The following CHCT1 variants were observed in gnomAD, a reference collection of about 807,000 sequenced individuals.
CHCT1 encodes the protein CHD1 helical C-terminal domain containing protein 1.
At chr17:60,421,432 C>T in the CHCT1 span, 5 of 985,578 alleles carry the variant, frequency 5.1e-6, no homozygotes, top group Non-Finnish European at 6.0e-6. Flanking sequence ...AGGGGAGGCC[C>T]GGGCCGACGG....
the CHCT1 span, chr17:60,429,483 TGTCCAACATGCAGACCCCAG>T: frequency 6.2e-7 from 1 of 1,614,264 alleles, no homozygotes; most frequent in Non-Finnish European, 8.5e-7. Context: ...AAGGAGCGGC[TGTCCAACATGCAGACCCCAG>T]GTCAAGGGAG....
chr17:60,425,938 G>C, the CHCT1 span: 1 of 1,452,310 alleles, frequency 6.9e-7, no homozygotes, highest in Non-Finnish European at 9.5e-7. Flanking sequence ...TGGTCAGGAG[G>C]CCTGAGTCAG....
chr17:60,426,337 G>T, the CHCT1 span: 1 of 1,549,966 alleles, frequency 6.5e-7, no homozygotes, highest in Middle Eastern at 1.7e-4. Context: ...ACTGGAGAAA[G>T]TAGGGCAGTC....
At chr17:60,425,724 C>T in the CHCT1 span, 4 of 1,316,088 alleles carry the variant, frequency 3.0e-6, no homozygotes, top group Non-Finnish European at 4.3e-6. Flanking sequence ...TCCCTGCCAG[C>T]ACTGCCCCCA....
chr17:60,429,503 G>T, the CHCT1 span: 2 of 1,614,226 alleles, frequency 1.2e-6, no homozygotes, highest in Non-Finnish European at 1.7e-6. Context: ...GCAGACCCCA[G>T]GTCAAGGGAG....
chr17:60,427,451 T>C, the CHCT1 span, among the ~76,000 whole-genome samples: 1 of 151,860 alleles, frequency 6.6e-6, no homozygotes, highest in African/African-American at 2.4e-5. Context: ...GGAGTCTCAC[T>C]CTGTCATCCA....
At chr17:60,429,433 C>T in the CHCT1 span, 1 of 1,614,256 alleles carries the variant, frequency 6.2e-7, no homozygotes. Context: ...TGCCCAAGCT[C>T]TGCCATGCAT....
chr17:60,422,578 G>A, the CHCT1 span: 33 of 1,550,228 alleles, frequency 2.1e-5, no homozygotes, highest in Middle Eastern at 1.9e-4. Flanking sequence ...GGAGCCTACC[G>A]GCACACCTGC....
the CHCT1 span, chr17:60,426,492 G>C: frequency 9.7e-7 from 1 of 1,035,668 alleles, no homozygotes. Context: ...ACTCAGGACA[G>C]CCCTGACTGC....
chr17:60,422,793 T>A, the CHCT1 span: 808 of 878,336 alleles, frequency 9.2e-4, 8 homozygotes, highest in East Asian at 0.018. Flanking sequence ...CTTTCATTCA[T>A]TCAGAAGTTT....
At chr17:60,427,264 G>T in the CHCT1 span, among the ~76,000 whole-genome samples, 1 of 152,094 alleles carries the variant, frequency 6.6e-6, no homozygotes, top group Non-Finnish European at 1.5e-5. Flanking sequence ...ATTATGGGGT[G>T]GTTATTTGGA....
chr17:60,422,413 T>G, the CHCT1 span: 2 of 1,441,102 alleles, frequency 1.4e-6, no homozygotes, highest in Non-Finnish European at 1.9e-6. Flanking sequence ...CCCCTAAGAA[T>G]GAGGAAATGG....
chr17:60,429,174 GGCA>G, the CHCT1 span, among the ~76,000 whole-genome samples: 2 of 152,188 alleles, frequency 1.3e-5, no homozygotes, highest in African/African-American at 2.4e-5. Context: ...GGACACCATT[GGCA>G]GCTTGCCTCC....
chr17:60,425,799 G>A, the CHCT1 span: 3 of 1,551,414 alleles, frequency 1.9e-6, no homozygotes, highest in Admixed American at 2.0e-5. Context: ...AATGTGTCAT[G>A]CCTGGAGACA....
chr17:60,425,405 G>A, the CHCT1 span, among the ~76,000 whole-genome samples: 1 of 152,128 alleles, frequency 6.6e-6, no homozygotes, highest in African/African-American at 2.4e-5. Context: ...CTGGTCTGCT[G>A]CCACTTTTGC....
At chr17:60,421,540 G>A in the CHCT1 span, 7 of 985,384 alleles carry the variant, frequency 7.1e-6, no homozygotes, top group African/African-American at 8.7e-5. Context: ...GAAGGTCCGG[G>A]AGAAGGAATT....
chr17:60,426,809 A>G, the CHCT1 span: 1 of 1,603,824 alleles, frequency 6.2e-7, no homozygotes, highest in Non-Finnish European at 8.5e-7. Context: ...CCAGCCGGCC[A>G]AGTTCCTGGT....
At chr17:60,422,153 A>T in the CHCT1 span, 1 of 296,088 alleles carries the variant, frequency 3.4e-6, no homozygotes, top group East Asian at 1.2e-4. Context: ...AGAATTTTAC[A>T]AACTGTGCTT....
chr17:60,429,231 C>A, the CHCT1 span: 3 of 966,510 alleles, frequency 3.1e-6, no homozygotes, highest in Non-Finnish European at 4.5e-6. Context: ...GATTCCTACC[C>A]CATCCTTTTG....
Sources: gnomAD v4.1 joint callset for allele counts (sites outside exome capture counted in the v4.1 genomes callset) on GRCh38, gnomAD v4.1.1 for gene constraint, MANE v1.5 for transcripts, NCBI Gene and HGNC (gene_info 2026-07-23, HGNC 2026-07-21) for gene names.